The following BAZ2B variants were observed in gnomAD, a reference collection of about 807,000 sequenced individuals.
BAZ2B encodes the protein bromodomain adjacent to zinc finger domain protein 2B.
In BAZ2B, 91 loss-of-function variants were observed where a neutral mutation model predicts 246.0. That is an observed-to-expected ratio of 0.37 (90% CI 0.31 to 0.44). The LOEUF (loss-of-function observed/expected upper bound fraction) is 0.44. Ranked by LOEUF, BAZ2B falls within the 20% of genes least tolerant of loss-of-function variation. BAZ2B has a pLI of 1.00. For synonymous variants in BAZ2B, 855 were observed against 860.0 expected (o/e 0.99, Z 0.10); for missense variants, 2,332 against 2,533.7 (o/e 0.92, Z 1.71).
intron 1 of BAZ2B, among the ~76,000 whole-genome samples, chr2:159,597,842 T>C (rs1004090161): frequency 3.9e-5 from 6 of 152,212 alleles, no homozygotes; most frequent in Non-Finnish European, 7.3e-5. Context: ...CGACTCTATC[T>C]CAATCAAACC....
chr2:159,604,677 C>G (rs941912672), intron 1 of BAZ2B, among the ~76,000 whole-genome samples: 1 of 152,118 alleles, frequency 6.6e-6, no homozygotes, highest in Admixed American at 6.5e-5. Context: ...TCTAGCTCAA[C>G]ATTCCTTATA....
intron 1 of BAZ2B, among the ~76,000 whole-genome samples, chr2:159,566,635 T>C (rs1177833500): frequency 6.6e-6 from 1 of 152,172 alleles, no homozygotes; most frequent in East Asian, 1.9e-4. Flanking sequence ...TCCCTTCCCT[T>C]TGCTTATTTA....
chr2:159,609,085 T>G (rs929237792), intron 1 of BAZ2B, among the ~76,000 whole-genome samples: 3 of 152,202 alleles, frequency 2.0e-5, no homozygotes, highest in Non-Finnish European at 2.9e-5. Flanking sequence ...GAAATAGCAT[T>G]TAACATTTTC....
At chr2:159,485,807 A>T (rs1359563997) in intron 2 of BAZ2B, among the ~76,000 whole-genome samples, 3 of 152,082 alleles carry the variant, frequency 2.0e-5, no homozygotes, top group Non-Finnish European at 4.4e-5. Context: ...GGCAGTCTTG[A>T]TTCTATCTCC....
chr2:159,428,532 A>G, intron 11 of BAZ2B, 113 bp from the exon 12 acceptor site: 1 of 689,586 alleles, frequency 1.5e-6, no homozygotes, highest in South Asian at 2.8e-5. Context: ...AATGAAAACA[A>G]AAATAAACTC....
In BAZ2B at chr2:159,337,141, C is replaced by A. The variant is rs2065814330; in HGVS notation, c.5661-64G>T. On this transcript the variant is annotated intron_variant, in intron 32 of 36. Transcript: ENST00000392783. Reference sequence around the variant, plus strand: ...ACACTTACGATTACGGAATGTGAAACAATCATCACACTGAAAGCCAAGCAA... The same window carrying A: ...ACACTTACGATTACGGAATGTGAAAAAATCATCACACTGAAAGCCAAGCAA... The A allele has an allele frequency of 2.6e-6, 4 of 1,531,018 alleles. No individual in the cohort carries two copies. The Admixed American group carries it at 5.6e-5, about 21-fold the overall frequency. The allele number at this position is 1,531,018 out of a possible 1,614,324, so 94.8% of individuals were successfully genotyped here. A position where few individuals can be genotyped will look rare whatever the true frequency, so the allele number is the denominator to read the frequency against.
intron 27 of BAZ2B, among the ~76,000 whole-genome samples, chr2:159,367,552 T>C (rs1400060556): frequency 6.6e-6 from 1 of 152,154 alleles, no homozygotes. Context: ...AACCTTTCTT[T>C]ATTAAGAACA....
At position 159,349,789 on chromosome 2, in the gene BAZ2B, T is replaced by C. The variant is rs945603751; in HGVS notation, c.4782A>G (p.Ser1594=). 12 of 1,613,940 alleles carry C rather than the reference T, an allele frequency of 7.4e-6. No homozygotes were observed. In the African/African-American group the frequency reaches 1.5e-4, roughly 20 times the overall value. The part of the protein sequence containing the change: ...VTPQSQPPSK[S]PSPTPAPLGS... ...CAAGAGGAGCTGGGGTAGGTGAAGGTGACTTAGATGGTGGCTGAGACTGAG... is the reference window on the plus strand; with the variant it reads ...CAAGAGGAGCTGGGGTAGGTGAAGGCGACTTAGATGGTGGCTGAGACTGAG... The change falls in exon 28 of 37, where the codon TCA becomes TCG. Residue 1594 remains serine, a synonymous_variant. Transcript: ENST00000392783.
intron 27 of BAZ2B, among the ~76,000 whole-genome samples, chr2:159,368,031 G>A (rs11686677): frequency 6.6e-6 from 1 of 152,032 alleles, no homozygotes; most frequent in African/African-American, 2.4e-5. Context: ...GACACACTAC[G>A]TGCTCATATT....
chr2:159,393,090 T>C (rs2063542268), intron 20 of BAZ2B, among the ~76,000 whole-genome samples: 1 of 142,388 alleles, frequency 7.0e-6, no homozygotes, highest in Non-Finnish European at 1.5e-5. Flanking sequence ...GTACAGACCG[T>C]TCATTCAGGA....
intron 8 of BAZ2B, 161 bp downstream of exon 8, chr2:159,438,142 C>T (rs1433573685): frequency 4.5e-6 from 3 of 669,406 alleles, no homozygotes; most frequent in Non-Finnish European, 7.4e-6. Flanking sequence ...AATATAAAAT[C>T]AGAGAAATTT....
At chr2:159,447,933 A>G (rs1334248758) in intron 5 of BAZ2B, among the ~76,000 whole-genome samples, 1 of 152,086 alleles carries the variant, frequency 6.6e-6, no homozygotes, top group African/African-American at 2.4e-5. Context: ...AGACTGCTGG[A>G]AACACAGAGA....
chr2:159,367,196 T>C (rs1001370273), intron 27 of BAZ2B, among the ~76,000 whole-genome samples: 3 of 152,196 alleles, frequency 2.0e-5, no homozygotes, highest in Non-Finnish European at 4.4e-5. Flanking sequence ...CCTCGAAATA[T>C]ATAGTGGTAT....
In BAZ2B at chr2:159,566,219, C is replaced by G. The variant is rs182735381; in HGVS notation, c.-45-10354G>C. 9.8e-5 allele frequency among the ~76,000 whole-genome samples: 15 copies of G among 152,286 alleles called. No individual in the cohort carries two copies. The East Asian group carries it at 2.9e-3, about 29-fold the overall frequency. On this transcript the variant is annotated intron_variant, in intron 1 of 36. Coordinates refer to ENST00000392783, the MANE Select transcript of BAZ2B (RefSeq NM_013450.4). ...AGAGATGGGGTTTCTCCATGTTGGT[C>G]AGGCTGGTTTCGAACTCCTGACCTC...
chr2:159,522,862 G>A (rs1242538867), intron 2 of BAZ2B, among the ~76,000 whole-genome samples: 2 of 151,704 alleles, frequency 1.3e-5, no homozygotes, highest in African/African-American at 4.8e-5. Context: ...ACTTTTACTA[G>A]TACAAAAAAA....
At chr2:159,446,132 A>AAAG (rs1240098728) in intron 6 of BAZ2B, among the ~76,000 whole-genome samples, 1 of 152,160 alleles carries the variant, frequency 6.6e-6, no homozygotes, top group Non-Finnish European at 1.5e-5. Context: ...AAGAAAGAAA[A>AAAG]AAGAAGAAAG....
In BAZ2B at chr2:159,599,319, TTAAGAA is replaced by T. The variant is rs1487408140; in HGVS notation, c.-46+16917_-46+16922del. Among the ~76,000 whole-genome samples the T allele has an allele frequency of 2.6e-5, 4 of 151,942 alleles. No individual in the cohort carries two copies. In the East Asian group the frequency reaches 7.8e-4, roughly 30 times the overall value. ...TCACTTTCTGGCAGGCCACACAAAC[TTAAGAA>T]ATCTGAGGGACTGCCGAGCGCGGTG... On this transcript the variant is annotated intron_variant, in intron 1 of 36. Transcript: ENST00000392783.
At chr2:159,680,186 A>T in the BAZ2B span, among the ~76,000 whole-genome samples, 1 of 152,258 alleles carries the variant, frequency 6.6e-6, no homozygotes, top group Non-Finnish European at 1.5e-5. Context: ...AAGAGAAAAA[A>T]GTATAATCTT....
At chr2:159,601,075 A>G (rs1446700905) in intron 1 of BAZ2B, among the ~76,000 whole-genome samples, 1 of 152,238 alleles carries the variant, frequency 6.6e-6, no homozygotes, top group Admixed American at 6.5e-5. Context: ...CCTCACATAT[A>G]GAACAACAGC....
Sources: allele counts gnomAD v4.1 joint callset (sites outside exome capture counted in the v4.1 genomes callset), GRCh38; gene constraint gnomAD v4.1.1; transcripts MANE v1.5; gene names NCBI Gene and HGNC (gene_info 2026-07-23, HGNC 2026-07-21).